Variants in TCF24 observed in about 807,000 individuals in gnomAD.
The protein encoded by TCF24 is transcription factor 24.
In TCF24, 5 loss-of-function variants were observed where a neutral mutation model predicts 9.3. The observed-to-expected ratio is 0.54, with a 90% CI of 0.28 to 1.13. TCF24 has a LOEUF of 1.13. TCF24 is among the 50% of genes most tolerant of loss of function. TCF24 has a pLI of 0.09. For synonymous variants in TCF24, 110 were observed against 115.8 expected, an observed-to-expected ratio of 0.95 and a Z score of 0.32; for missense variants, 220 against 236.1, an observed-to-expected ratio of 0.93 and a Z score of 0.45.
Position 66,951,776 on chromosome 8 carries a change from G to A in TCF24, c.391-3612C>T, listed in dbSNP as rs928569474. ...GATTATTGCCACACTTTCAGCTCCTGTTATTGGTCTATTCAGAGATTCAAC... is the reference window on the plus strand; with the variant it reads ...GATTATTGCCACACTTTCAGCTCCTATTATTGGTCTATTCAGAGATTCAAC... On this transcript the variant is annotated intron_variant, in intron 3 of 3. Transcript: ENST00000563496. 3.3e-5 allele frequency among the ~76,000 whole-genome samples: 5 copies of A among 152,138 alleles called. No homozygotes were observed. The East Asian group carries it at 9.7e-4, about 29-fold the overall frequency.
In TCF24 at chr8:66,961,888, C is replaced by G. The variant is rs2130903580; in HGVS notation, c.-35G>C. 7.0e-6 allele frequency: 6 copies of G among 862,054 alleles called. No homozygotes were observed. The South Asian group carries it at 2.7e-4, about 38-fold the overall frequency. The allele number at this position is 862,054 out of a possible 1,614,324, so 53.4% of individuals were successfully genotyped here. On this transcript the variant is annotated 5_prime_UTR_variant, in exon 2 of 4. Coordinates refer to ENST00000563496, the MANE Select transcript of TCF24 (RefSeq NM_001193502.2). Reference sequence around the variant, plus strand: ...CCCCGTGCGCCCACCAGCAGCCCAACGGGGCTAAGGGCGCTCTCAAGCGAG... The same window carrying G: ...CCCCGTGCGCCCACCAGCAGCCCAAGGGGGCTAAGGGCGCTCTCAAGCGAG...
chr8:66,961,601 CG>C lies in TCF24; in HGVS notation c.164del (p.Ala55GlyfsTer93). 7.6e-7 allele frequency: 1 copy of C among 1,309,202 alleles called. No individual in the cohort carries two copies. Among genetic ancestry groups the C allele is most frequent in the South Asian group, 2.4e-5 (1 of 41,818 alleles). The allele number at this position is 1,309,202 out of a possible 1,614,324, so 81.1% of individuals were successfully genotyped here. On this transcript the variant is annotated frameshift_variant, in exon 3 of 4. Transcript: ENST00000563496. LOFTEE classifies it high-confidence loss of function. ...TCTGCACCCGGCTGCGCTCCCGCGC[CG>C]CATTCGCCGCCGCCGGCCGCCCGCT... ...SGSGRPAAAN[A>X]ARERSRVQTL...
In TCF24 at chr8:66,948,105, A is replaced by C; in HGVS notation, c.450T>G (p.Ser150=). 6.5e-7 allele frequency: 1 copy of C among 1,535,404 alleles called. No homozygotes were observed. Among genetic ancestry groups the C allele is most frequent in the South Asian group, 1.2e-5 (1 of 83,926 alleles). Residue 150 remains serine (S), a synonymous_variant, in exon 4 of 4, where the codon TCT becomes TCG. Transcript: ENST00000563496. ...CATGATTTGTTTTTTCTCCAGAAAC[A>C]GAATGCTTCAGAAACTGACCAGTAG... ...IGATGQFLKH[S]VSGEKTNHDN...
Position 66,961,707 on chromosome 8 carries a change from A to G in TCF24, c.59T>C (p.Leu20Pro), listed in dbSNP as rs984465027. Residue 20 changes from leucine (L) to proline (P), a missense_variant, in exon 3 of 4, where the codon CTG becomes CCG. Coordinates refer to ENST00000563496, the MANE Select transcript of TCF24 (RefSeq NM_001193502.2). Reference sequence around the variant, plus strand: ...ACGCGAGTCGCGGATGGCGGCGGCCAGGGGCGCGGGCTCGGCGCTGGCGCT... The same window carrying G: ...ACGCGAGTCGCGGATGGCGGCGGCCGGGGGCGCGGGCTCGGCGCTGGCGCT... Reference protein sequence around the residue: ...PLSASAEPAPLAAAIRDSRPG... With the variant: ...PLSASAEPAPPAAAIRDSRPG... 1 of 1,092,318 alleles carries G rather than the reference A, an allele frequency of 9.2e-7. No individual in the cohort carries two copies. Among genetic ancestry groups the G allele is most frequent in the African/African-American group, 1.7e-5 (1 of 59,588 alleles). 67.7% of individuals were successfully genotyped at this position (1,092,318 alleles called of 1,614,324 possible).
Position 66,961,638 on chromosome 8 carries a change from G to C in TCF24, c.128C>G (p.Ser43Trp), listed in dbSNP as rs1814256998. The C allele has an allele frequency of 8.0e-7, 1 of 1,253,218 alleles. No homozygotes were observed. The highest frequency in any genetic ancestry group is 1.0e-6 in the Non-Finnish European group (1 of 1,000,914). The allele number at this position is 1,253,218 out of a possible 1,614,324, so 77.6% of individuals were successfully genotyped here. The change falls in exon 3 of 4, where the codon TCG becomes TGG. Residue 43 changes from serine (S) to tryptophan (W), a missense_variant. Coordinates refer to ENST00000563496, the MANE Select transcript of TCF24 (RefSeq NM_001193502.2). Reference protein sequence around the residue: ...GPGPAGPGGGSRSGSGRPAAA... With the variant: ...GPGPAGPGGGWRSGSGRPAAA... Reference sequence around the variant, plus strand: ...CGCCGGCCGCCCGCTCCCGGAACGCGAGCCGCCCCCAGGGCCCGCCGGCCC... The same window carrying C: ...CGCCGGCCGCCCGCTCCCGGAACGCCAGCCGCCCCCAGGGCCCGCCGGCCC...
In TCF24 at chr8:66,961,405, G is replaced by A; in HGVS notation, c.361C>T (p.Arg121Cys). 3.3e-6 allele frequency: 5 copies of A among 1,511,328 alleles called. No individual in the cohort carries two copies. The highest frequency in any genetic ancestry group is 3.5e-6 in the Non-Finnish European group (4 of 1,136,188). 93.6% of individuals were successfully genotyped at this position (1,511,328 alleles called of 1,614,324 possible). ...APADAGLGAL[R>C]GDGYLHPVKK... ...ACCGGGTGCAGGTAGCCATCGCCGC[G>A]CAGGGCGCCCAACCCGGCGTCCGCC... Residue 121 changes from arginine (R) to cysteine (C), a missense_variant, in exon 3 of 4, where the codon CGC becomes TGC. By Grantham distance (180) the Arg-to-Cys change is radical. Transcript: ENST00000563496.
chr8:66,961,118 C>T (rs1563408340), intron 3 of TCF24, among the ~76,000 whole-genome samples: 1 of 152,222 alleles, frequency 6.6e-6, no homozygotes, highest in Non-Finnish European at 1.5e-5. Flanking sequence ...CGGAGGCATC[C>T]TGTAAGAGGC....
At chr8:66,954,769 G>T (rs1192196899) in intron 3 of TCF24, among the ~76,000 whole-genome samples, 8 of 137,852 alleles carry the variant, frequency 5.8e-5, no homozygotes, top group Admixed American at 4.4e-4. Context: ...AGGACCCTCC[G>T]AGCCAGGTGC....
In TCF24 at chr8:66,961,679, G is replaced by T. The variant is rs879656459; in HGVS notation, c.87C>A (p.Pro29=). Residue 29 remains proline (P), a synonymous_variant, in exon 3 of 4, where the codon CCC becomes CCA. Coordinates refer to ENST00000563496, the MANE Select transcript of TCF24 (RefSeq NM_001193502.2). ...CCGCCGGCCCCGGCCCGGTCCGCCC[G>T]GGACGCGAGTCGCGGATGGCGGCGG... ...PLAAAIRDSR[P]GRTGPGPAGP... 2.2e-5 allele frequency: 24 copies of T among 1,108,556 alleles called. No homozygotes were observed. The African/African-American group carries it at 4.0e-4, about 18-fold the overall frequency. The allele number at this position is 1,108,556 out of a possible 1,614,324, so 68.7% of individuals were successfully genotyped here. A position where few individuals can be genotyped will look rare whatever the true frequency, so the allele number is the denominator to read the frequency against.
At chr8:66,956,222 A>T (rs1814149471) in intron 3 of TCF24, among the ~76,000 whole-genome samples, 1 of 152,056 alleles carries the variant, frequency 6.6e-6, no homozygotes, top group Non-Finnish European at 1.5e-5. Flanking sequence ...AGCCTCCCAA[A>T]GTGCTGGGAT....
At chr8:66,948,981 C>T (rs1814011614) in intron 3 of TCF24, among the ~76,000 whole-genome samples, 1 of 152,068 alleles carries the variant, frequency 6.6e-6, no homozygotes, top group Non-Finnish European at 1.5e-5. Context: ...CAGGCGTGAG[C>T]TAAATCTTAT....
At chr8:66,954,888 C>T (rs9693185) in intron 3 of TCF24, 5,309 of 152,952 alleles carry the variant, frequency 0.035, 189 homozygotes, top group African/African-American at 0.079. Context: ...TTCTTTGACT[C>T]GGAAAGGGAA....
chr8:66,950,388 G>C (rs1002457504), intron 3 of TCF24, among the ~76,000 whole-genome samples: 5,597 of 152,114 alleles, frequency 0.037, 202 homozygotes, highest in African/African-American at 0.083. Flanking sequence ...GCTTTTCTCA[G>C]GTTTGTCAAA....
intron 3 of TCF24, among the ~76,000 whole-genome samples, chr8:66,955,454 T>G (rs914259081): frequency 7.2e-5 from 11 of 152,040 alleles, no homozygotes; most frequent in Non-Finnish European, 1.5e-4. Flanking sequence ...AGTGCTGCCT[T>G]ATGTAAGCAG....
chr8:66,948,661 ATCTATCTAT>A (rs1814001832), intron 3 of TCF24, among the ~76,000 whole-genome samples: 1 of 124,024 alleles, frequency 8.1e-6, no homozygotes, highest in Non-Finnish European at 1.8e-5. Context: ...TCAACTATCT[ATCTATCTAT>A]CTATCTATCT....
intron 3 of TCF24, among the ~76,000 whole-genome samples, chr8:66,953,408 A>T (rs1292251532): frequency 1.4e-3 from 218 of 152,166 alleles, no homozygotes; most frequent in African/African-American, 5.0e-3. Context: ...TTCTTTAAGA[A>T]TGTTGAATAT....
In TCF24 at chr8:66,949,880, G is replaced by GT. The variant is rs1229563583; in HGVS notation, c.391-1717dup. On this transcript the variant is annotated intron_variant, in intron 3 of 3. Coordinates refer to ENST00000563496, the MANE Select transcript of TCF24 (RefSeq NM_001193502.2). ...AGTGATGATGAGCATTTTTTCATGT[G>GT]TTTTTTGGCTGCATAAATGTCTTCT... is the stretch of plus-strand genomic sequence containing the variant. Among the ~76,000 whole-genome samples, 6 of 142,432 alleles carry GT rather than the reference G, an allele frequency of 4.2e-5. No homozygotes were observed. In the East Asian group the frequency reaches 1.2e-3, roughly 29 times the overall value. The allele number at this position is 142,432 out of a possible 152,430, so 93.4% of individuals were successfully genotyped here.
intron 3 of TCF24, among the ~76,000 whole-genome samples, chr8:66,960,713 T>C (rs888854123): frequency 2.0e-5 from 3 of 152,236 alleles, no homozygotes; most frequent in African/African-American, 7.2e-5. Context: ...CATGAGACTT[T>C]GAATTTAGTA....
Position 66,947,944 on chromosome 8 carries a change from G to A in TCF24, c.*107C>T, listed in dbSNP as rs1053512609. 5.1e-6 allele frequency: 4 copies of A among 782,326 alleles called. No individual in the cohort carries two copies. The highest frequency in any genetic ancestry group is 5.8e-6 in the Non-Finnish European group (3 of 519,584). The allele number at this position is 782,326 out of a possible 1,614,324, so 48.5% of individuals were successfully genotyped here. A position where few individuals can be genotyped will look rare whatever the true frequency, so the allele number is the denominator to read the frequency against. On this transcript the variant is annotated 3_prime_UTR_variant, in exon 4 of 4. Transcript: ENST00000563496. The stretch of plus-strand genomic sequence containing the variant: ...TGAACATCCAACTATGGGTTCACAT[G>A]TAAACTTTCAGAAATTTTGTTATGT...
Sources: gnomAD v4.1 joint callset for allele counts (sites outside exome capture counted in the v4.1 genomes callset) on GRCh38, gnomAD v4.1.1 for gene constraint, MANE v1.5 for transcripts, NCBI Gene and HGNC (gene_info 2026-07-23, HGNC 2026-07-21) for gene names.